The following NT5DC3 variants were observed in gnomAD, a reference collection of about 807,000 sequenced individuals.
NT5DC3 encodes the protein 5'-nucleotidase domain-containing protein 3.
A neutral mutation model predicts 67.8 loss-of-function variants in NT5DC3; 42 were observed. The ratio of observed to expected loss-of-function variants is 0.62; its 90% CI spans 0.48 to 0.80. The LOEUF (loss-of-function observed/expected upper bound fraction) is 0.80. Among genes scored for constraint, NT5DC3 ranks in the 30% least tolerant of loss-of-function variants. The pLI is 0.00. For missense variants in NT5DC3, 570 were observed against 696.4 expected (o/e 0.82, Z 2.04); for synonymous variants, 237 against 255.6 (o/e 0.93, Z 0.69).
At chr12:103,766,356 C>A, downstream of NT5DC3, 2 of 1,596,720 alleles carry the variant, frequency 1.3e-6, no homozygotes. Flanking sequence ...CGGGAGATGC[C>A]AGCCATCACT....
chr12:103,841,228 G>C lies in NT5DC3; in HGVS notation c.-72C>G, dbSNP rs1342493844. On this transcript the variant is annotated 5_prime_UTR_variant, in exon 1 of 14. Coordinates refer to ENST00000392876, the MANE Select transcript of NT5DC3 (RefSeq NM_001031701.3). Reference sequence around the variant, plus strand: ...CTGCTGCCCGGCCCAAGATCTACCCGCGCTCTGCCCTGCAGGAGGGCAGCT... The same window carrying C: ...CTGCTGCCCGGCCCAAGATCTACCCCCGCTCTGCCCTGCAGGAGGGCAGCT... 2.2e-5 allele frequency: 11 copies of C among 499,440 alleles called. No individual in the cohort carries two copies. Among genetic ancestry groups the C allele is most frequent in the Admixed American group, 4.0e-5 (1 of 24,764 alleles). The allele number at this position is 499,440 out of a possible 1,614,324, so 30.9% of individuals were successfully genotyped here. A position where few individuals can be genotyped will look rare whatever the true frequency, so the allele number is the denominator to read the frequency against.
chr12:103,766,332 T>G, downstream of NT5DC3: 5 of 1,611,556 alleles, frequency 3.1e-6, no homozygotes, highest in Non-Finnish European at 3.4e-6. Flanking sequence ...TTGAGGACAC[T>G]GTGAGGGCCT....
intron 1 of NT5DC3, among the ~76,000 whole-genome samples, chr12:103,831,132 C>A (rs1055982868): frequency 1.3e-5 from 2 of 152,160 alleles, no homozygotes; most frequent in Non-Finnish European, 2.9e-5. Flanking sequence ...ATCCCCATAA[C>A]CCCCATGTGT....
intron 1 of NT5DC3, among the ~76,000 whole-genome samples, chr12:103,832,360 T>G (rs75479531): frequency 0.1 from 15,392 of 152,040 alleles, 1,092 homozygotes; most frequent in East Asian, 0.28. Context: ...CTCCACATTT[T>G]AGGAATCAGA....
At chr12:103,765,656 TCCTCCCA>T (rs1413758826), downstream of NT5DC3, among the ~76,000 whole-genome samples, 2 of 152,114 alleles carry the variant, frequency 1.3e-5, no homozygotes, top group Non-Finnish European at 2.9e-5. Context: ...CCTCAGGTGA[TCCTCCCA>T]CCTCAGCCTC....
At chr12:103,768,538 A>AGAGAT, downstream of NT5DC3, among the ~76,000 whole-genome samples, 1 of 6,188 alleles carries the variant, frequency 1.6e-4, no homozygotes, top group African/African-American at 7.4e-4. Flanking sequence ...AGAGAGGGAG[A>AGAGAT]GGGGGAGAGG....
chr12:103,804,914 G>A (rs1160510147), intron 4 of NT5DC3, among the ~76,000 whole-genome samples: 1 of 152,168 alleles, frequency 6.6e-6, no homozygotes, highest in African/African-American at 2.4e-5. Context: ...AGCCGGGCGT[G>A]GCGGCACATG....
chr12:103,770,346 T>A (rs1223112471), downstream of NT5DC3: 1 of 152,158 alleles, frequency 6.6e-6, no homozygotes, highest in Non-Finnish European at 1.5e-5. Context: ...TCAGCTACAA[T>A]TCCAATAGAA....
chr12:103,833,825 T>C (rs1000976665), intron 1 of NT5DC3, among the ~76,000 whole-genome samples: 1 of 151,952 alleles, frequency 6.6e-6, no homozygotes, highest in African/African-American at 2.4e-5. Flanking sequence ...AGGCCAAGTA[T>C]CTGATGAGCA....
chr12:103,827,403 G>T (rs992630518), intron 1 of NT5DC3, among the ~76,000 whole-genome samples: 2 of 152,032 alleles, frequency 1.3e-5, no homozygotes, highest in Non-Finnish European at 2.9e-5. Context: ...TCTATAAACC[G>T]AAACTCTAGG....
At chr12:103,822,144 ATT>A (rs1887515596) in intron 1 of NT5DC3, 1 of 152,078 alleles carries the variant, frequency 6.6e-6, no homozygotes, top group African/African-American at 2.4e-5. Context: ...AATATATACC[ATT>A]TATTTCATCT....
rs1410399545 is a variant in NT5DC3, at chr12:103,797,023, A to G, written c.624T>C (p.His208=). The G allele has an allele frequency of 1.9e-6, 3 of 1,614,142 alleles. No homozygotes were observed. The highest frequency in any genetic ancestry group is 1.7e-6 in the Non-Finnish European group (2 of 1,180,020). ...CCATGAACTGCTTCATCGTGTTTCC[A>G]TGAGAGCTCTGCAGACAGGGTGGAA... ...QMSDFYGKSS[H]GNTMKQFMDI... is the part of the protein sequence containing the mutation. The change falls in exon 6 of 14, where the codon CAT becomes CAC. Residue 208 remains histidine, a synonymous_variant. Coordinates refer to ENST00000392876, the MANE Select transcript of NT5DC3 (RefSeq NM_001031701.3).
intron 6 of NT5DC3, among the ~76,000 whole-genome samples, chr12:103,795,018 C>G (rs1886252100): frequency 2.0e-5 from 3 of 152,316 alleles, no homozygotes; most frequent in Middle Eastern, 3.4e-3. Context: ...AAAATTGTGT[C>G]TAAGCCTTAG....
At chr12:103,755,974 G>A in the NT5DC3 span, among the ~76,000 whole-genome samples, 1 of 152,200 alleles carries the variant, frequency 6.6e-6, no homozygotes, top group Non-Finnish European at 1.5e-5. Context: ...GGGTCATTGT[G>A]ATCATTAAAT....
chr12:103,840,405 CATCTCATCT>C (rs1269399167), intron 1 of NT5DC3, among the ~76,000 whole-genome samples: 31 of 149,776 alleles, frequency 2.1e-4, no homozygotes, highest in African/African-American at 7.4e-4. Flanking sequence ...CATCTCATCT[CATCTCATCT>C]CATCTCATTC....
chr12:103,764,866 G>A, the NT5DC3 span, among the ~76,000 whole-genome samples: 5 of 152,186 alleles, frequency 3.3e-5, no homozygotes, highest in South Asian at 1.0e-3. Context: ...CGGAGGCCAA[G>A]GCAGGTGGAT....
At chr12:103,800,878 T>C (rs1485213482) in intron 4 of NT5DC3, among the ~76,000 whole-genome samples, 1 of 152,216 alleles carries the variant, frequency 6.6e-6, no homozygotes, top group Non-Finnish European at 1.5e-5. Flanking sequence ...AAAGTCTTCA[T>C]TCTTAAAGCA....
chr12:103,820,297 T>G (rs1016142091), intron 1 of NT5DC3, among the ~76,000 whole-genome samples: 3 of 152,222 alleles, frequency 2.0e-5, no homozygotes, highest in African/African-American at 7.2e-5. Flanking sequence ...AATCCTATTT[T>G]TCATTGTTTT....
intron 2 of NT5DC3, among the ~76,000 whole-genome samples, chr12:103,810,019 G>C (rs1428475026): frequency 6.6e-6 from 1 of 151,816 alleles, no homozygotes; most frequent in Admixed American, 6.6e-5. Flanking sequence ...GAATTGCAAA[G>C]GATTCAGCCC....
Sources: gnomAD v4.1 joint callset for allele counts (sites outside exome capture counted in the v4.1 genomes callset) on GRCh38, gnomAD v4.1.1 for gene constraint, MANE v1.5 for transcripts, NCBI Gene and HGNC (gene_info 2026-07-23, HGNC 2026-07-21) for gene names.